Variants in RNF122 observed in about 807,000 individuals in gnomAD.
The protein encoded by RNF122 is ring finger protein 122.
In RNF122, 17 loss-of-function variants were observed where a neutral mutation model predicts 24.2. The observed-to-expected ratio is 0.70, with a 90% CI of 0.48 to 1.06. RNF122 has a LOEUF of 1.06. Among genes scored for constraint, RNF122 ranks in the 50% least tolerant of loss-of-function variants. The pLI, the probability that RNF122 is intolerant of heterozygous loss-of-function variation, is 0.00. For synonymous variants in RNF122, 65 were observed against 71.8 expected (o/e 0.91, Z 0.48); for missense variants, 168 against 198.1 (o/e 0.85, Z 0.91).
At chr8:33,566,619 G>A (rs1028732515) in intron 1 of RNF122, 80 bp downstream of exon 1, 1 of 1,427,776 alleles carries the variant, frequency 7.0e-7, no homozygotes, top group Non-Finnish European at 9.7e-7. Context: ...GAGGACCAGC[G>A]CGCTGCTGTC....
intron 1 of RNF122, 133 bp downstream of exon 1, chr8:33,566,566 C>G: frequency 1.1e-6 from 1 of 883,648 alleles, no homozygotes; most frequent in Non-Finnish European, 1.8e-6. Context: ...CGCCAAGACG[C>G]CTTCTCGACT....
chr8:33,561,705 G>A (rs948574959), intron 1 of RNF122, among the ~76,000 whole-genome samples: 1 of 152,012 alleles, frequency 6.6e-6, no homozygotes, highest in Non-Finnish European at 1.5e-5. Context: ...ACCACGCCCA[G>A]CTAGTTTTTG....
At chr8:33,554,977 G>A (rs1479205165) in intron 2 of RNF122, among the ~76,000 whole-genome samples, 1 of 152,070 alleles carries the variant, frequency 6.6e-6, no homozygotes, top group Non-Finnish European at 1.5e-5. Context: ...TGGCTTCTGC[G>A]CCTGTGTGTC....
intron 1 of RNF122, among the ~76,000 whole-genome samples, chr8:33,560,289 C>T (rs1043710378): frequency 6.6e-6 from 1 of 152,162 alleles, no homozygotes; most frequent in African/African-American, 2.4e-5. Context: ...CCTCTCCCTT[C>T]CCCCCTTGCC....
intron 2 of RNF122, 112 bp from the exon 3 acceptor site, chr8:33,551,501 C>T (rs1461069909): frequency 2.0e-6 from 2 of 979,344 alleles, no homozygotes; most frequent in Non-Finnish European, 3.2e-6. Context: ...GGGTGCTTGT[C>T]CCATACACAC....
intron 2 of RNF122, among the ~76,000 whole-genome samples, chr8:33,552,487 C>G (rs938081558): frequency 3.9e-5 from 6 of 152,176 alleles, no homozygotes; most frequent in Non-Finnish European, 8.8e-5. Flanking sequence ...TAATTGGTAG[C>G]AGAGTCTAGA....
intron 2 of RNF122, 57 bp from the exon 3 acceptor site, chr8:33,551,446 G>C: frequency 1.3e-6 from 2 of 1,587,658 alleles, no homozygotes; most frequent in African/African-American, 2.7e-5. Flanking sequence ...ATTCAAAGCA[G>C]GAGAGGCTGG....
At chr8:33,550,941 G>A in intron 4 of RNF122, 103 bp downstream of exon 4, 1 of 1,067,802 alleles carries the variant, frequency 9.4e-7, no homozygotes, top group Non-Finnish European at 1.5e-6. Flanking sequence ...ATGAAGGCAT[G>A]GACTAAGCAG....
intron 4 of RNF122, 22 bp downstream of exon 4, chr8:33,551,022 C>A (rs375785450): frequency 1.2e-6 from 2 of 1,613,616 alleles, no homozygotes; most frequent in South Asian, 1.1e-5. Context: ...GGCCCTCCTG[C>A]ACACTTTCCT....
intron 2 of RNF122, among the ~76,000 whole-genome samples, chr8:33,552,474 A>T (rs1056353361): frequency 2.0e-5 from 3 of 152,184 alleles, no homozygotes; most frequent in Non-Finnish European, 4.4e-5. Flanking sequence ...AACATCACAG[A>T]GCTAATTGGT....
rs1465693426 is a variant in RNF122, at chr8:33,551,094, A to T, written c.229-9T>A. 1 of 1,614,098 alleles carries T rather than the reference A, an allele frequency of 6.2e-7. No individual in the cohort carries two copies. Among genetic ancestry groups the T allele is most frequent in the Non-Finnish European group, 8.5e-7 (1 of 1,179,972 alleles). On this transcript the variant is annotated splice_polypyrimidine_tract_variant and intron_variant, in intron 3 of 5. Coordinates refer to ENST00000256257, the MANE Select transcript of RNF122 (RefSeq NM_024787.3). ...TCACCTTTAAGCACCACCTGAAAAG[A>T]AAGAGGAGGCATGATGTCCAAAGAA... is the stretch of plus-strand genomic sequence containing the variant.
In RNF122 at chr8:33,555,059, C is replaced by T. The variant is rs374963975; in HGVS notation, c.182+3556G>A. On this transcript the variant is annotated intron_variant, in intron 2 of 5. Transcript: ENST00000256257. ...TGAGACTGTGAAACTCCAGGGTCAG[C>T]AGGCTTCAGGCAGGCTACAGACCAG... is the stretch of plus-strand genomic sequence containing the variant. 1.2e-4 allele frequency among the ~76,000 whole-genome samples: 19 copies of T among 152,288 alleles called. No individual in the cohort carries two copies. The East Asian group carries it at 3.3e-3, about 26-fold the overall frequency.
chr8:33,553,070 C>CAAA (rs34104851), intron 2 of RNF122, among the ~76,000 whole-genome samples: 16 of 103,450 alleles, frequency 1.5e-4, no homozygotes, highest in East Asian at 9.6e-4. Flanking sequence ...GACCCTGTCT[C>CAAA]AAAAAAAAAA....
intron 1 of RNF122, among the ~76,000 whole-genome samples, chr8:33,563,020 G>A (rs1476211181): frequency 2.0e-5 from 3 of 151,528 alleles, no homozygotes; most frequent in Non-Finnish European, 4.4e-5. Context: ...GAACCCGGGA[G>A]GCAGAGGCTG....
chr8:33,551,117 G>C (rs1454285306), intron 3 of RNF122, 32 bp from the exon 4 acceptor site: 1 of 1,613,576 alleles, frequency 6.2e-7, no homozygotes, highest in South Asian at 1.1e-5. Context: ...GATGTCCAAA[G>C]AAGAACCAAC....
In RNF122 at chr8:33,558,762, C is replaced by T; in HGVS notation, c.35G>A (p.Cys12Tyr). Reference protein sequence around the residue: ...HPFQWCNGCFCGLGLVSTNKS... With the variant: ...HPFQWCNGCFYGLGLVSTNKS... ...GTTGGTGCTAACCAGTCCCAGGCCA[C>T]AGAAACACCCTGCAAAGGGAGAGAA... Residue 12 changes from cysteine (C) to tyrosine (Y), a missense_variant, in exon 2 of 6, where the codon TGT becomes TAT. Transcript: ENST00000256257. The T allele has an allele frequency of 6.4e-7, 1 of 1,567,314 alleles. No homozygotes were observed. Among genetic ancestry groups the T allele is most frequent in the Non-Finnish European group, 8.7e-7 (1 of 1,155,450 alleles).
At chr8:33,555,095 C>T (rs933577457) in intron 2 of RNF122, among the ~76,000 whole-genome samples, 4 of 152,140 alleles carry the variant, frequency 2.6e-5, no homozygotes, top group East Asian at 1.9e-4. Context: ...GGCAGGGTGA[C>T]GAAGGAGATT....
intron 2 of RNF122, among the ~76,000 whole-genome samples, chr8:33,557,400 G>A (rs993094333): frequency 6.6e-6 from 1 of 152,048 alleles, no homozygotes; most frequent in Admixed American, 6.6e-5. Flanking sequence ...GAGGCCGAGG[G>A]GGGTGGATGA....
chr8:33,558,200 A>C (rs1026047006), intron 2 of RNF122, among the ~76,000 whole-genome samples: 8 of 152,278 alleles, frequency 5.3e-5, no homozygotes, highest in African/African-American at 1.9e-4. Flanking sequence ...AGGGCTGACA[A>C]CAGGTCCCAG....
Sources: allele counts gnomAD v4.1 joint callset (sites outside exome capture counted in the v4.1 genomes callset), GRCh38; gene constraint gnomAD v4.1.1; transcripts MANE v1.5; gene names NCBI Gene and HGNC (gene_info 2026-07-23, HGNC 2026-07-21).